BTBD1: variants seen among roughly 807,000 people sequenced by gnomAD.
BTBD1 encodes BTB/POZ domain-containing protein 1.
Under a neutral mutation model 48.0 loss-of-function variants are expected in BTBD1, and 34 were observed. The ratio of observed to expected loss-of-function variants is 0.71; its 90% CI spans 0.54 to 0.94. The LOEUF (loss-of-function observed/expected upper bound fraction) is 0.94, where lower values mean the gene tolerates loss of function less well. BTBD1 is among the 40% of genes least tolerant of loss of function. The pLI is 0.00. For missense variants in BTBD1, 543 were observed against 625.6 expected (o/e 0.87, Z 1.41); for synonymous variants, 261 against 242.1 (o/e 1.08, Z -0.72).
intron 1 of BTBD1, among the ~76,000 whole-genome samples, chr15:83,060,152 A>G (rs1281395039): frequency 6.6e-6 from 1 of 152,182 alleles, no homozygotes; most frequent in African/African-American, 2.4e-5. Flanking sequence ...ACAGGTTTCT[A>G]TGTAACGTCA....
chr15:83,030,800 AAAAT>A (rs1384543317), intron 4 of BTBD1: 1 of 152,514 alleles, frequency 6.6e-6, no homozygotes, highest in African/African-American at 2.4e-5. Context: ...TCTGCATAGC[AAAAT>A]AAATAATCAG....
chr15:83,066,627 C>T, intron 1 of BTBD1, 124 bp downstream of exon 1: 1 of 1,056,696 alleles, frequency 9.5e-7, no homozygotes, highest in African/African-American at 1.7e-5. Context: ...ACTGAGGCCC[C>T]GGGCGGGTCA....
chr15:83,052,228 A>G (rs1404526457), intron 2 of BTBD1, among the ~76,000 whole-genome samples: 2 of 151,980 alleles, frequency 1.3e-5, no homozygotes, highest in Non-Finnish European at 2.9e-5. Flanking sequence ...GATTACAAGC[A>G]TGGGCCACCG....
chr15:83,051,793 T>G, intron 2 of BTBD1, among the ~76,000 whole-genome samples: 1 of 151,734 alleles, frequency 6.6e-6, no homozygotes, highest in East Asian at 1.9e-4. Context: ...GATAGTGCAA[T>G]GAAAACCCAT....
intron 3 of BTBD1, among the ~76,000 whole-genome samples, chr15:83,045,564 T>C (rs992038670): frequency 6.6e-6 from 1 of 152,134 alleles, no homozygotes; most frequent in African/African-American, 2.4e-5. Context: ...AAGAGCCAAA[T>C]ATTTGCTTAA....
chr15:83,033,463 A>C (rs2032563133), intron 4 of BTBD1, among the ~76,000 whole-genome samples: 3 of 152,244 alleles, frequency 2.0e-5, no homozygotes, highest in Admixed American at 6.5e-5. Flanking sequence ...GGGCTTTATA[A>C]CATATGAAAC....
At chr15:83,026,241 T>C (rs2032404267) in intron 5 of BTBD1, among the ~76,000 whole-genome samples, 1 of 152,158 alleles carries the variant, frequency 6.6e-6, no homozygotes, top group Non-Finnish European at 1.5e-5. Context: ...TTGGTTCTAG[T>C]AGTTTTTTAG....
intron 5 of BTBD1, among the ~76,000 whole-genome samples, chr15:83,026,199 T>C (rs192861565): frequency 2.9e-4 from 44 of 152,332 alleles, no homozygotes; most frequent in Non-Finnish European, 5.3e-4. Flanking sequence ...TTTTTAAATA[T>C]ACTTTTTATA....
chr15:83,034,929 G>T (rs2032595981), intron 4 of BTBD1, among the ~76,000 whole-genome samples: 1 of 152,076 alleles, frequency 6.6e-6, no homozygotes. Context: ...ACAGATACAG[G>T]ACTATTCAGG....
chr15:83,048,453 C>T (rs1258170213), intron 3 of BTBD1, among the ~76,000 whole-genome samples: 3 of 152,164 alleles, frequency 2.0e-5, no homozygotes, highest in Non-Finnish European at 2.9e-5. Context: ...TTTAAAGCCA[C>T]GGGCCTGGAT....
intron 4 of BTBD1, among the ~76,000 whole-genome samples, chr15:83,037,059 A>G (rs916224225): frequency 1.3e-5 from 2 of 152,116 alleles, no homozygotes; most frequent in Admixed American, 1.3e-4. Context: ...AAACCCAAAC[A>G]CTGATTCTTA....
chr15:83,066,640 A>G, intron 1 of BTBD1, 111 bp downstream of exon 1: 1 of 1,168,442 alleles, frequency 8.6e-7, no homozygotes, highest in Non-Finnish European at 1.1e-6. Context: ...GCGGGTCAGA[A>G]GAGCCCAGCC....
At chr15:83,066,714 C>A (rs2033281112) in intron 1 of BTBD1, 37 bp downstream of exon 1, 2 of 1,255,246 alleles carry the variant, frequency 1.6e-6, no homozygotes, top group Admixed American at 4.3e-5. Flanking sequence ...CCCGGCCCGG[C>A]CCGGCCCGGC....
At chr15:83,039,269 G>A (rs1168007462) in intron 4 of BTBD1, among the ~76,000 whole-genome samples, 2 of 151,746 alleles carry the variant, frequency 1.3e-5, no homozygotes, top group Non-Finnish European at 1.5e-5. Context: ...CAACAAACAT[G>A]AAAAAAATCC....
In BTBD1 at chr15:83,020,671, G is replaced by C; in HGVS notation, c.1143+4C>G. On this transcript the variant is annotated splice_donor_region_variant and intron_variant, in intron 6 of 7. Coordinates refer to ENST00000261721, the MANE Select transcript of BTBD1 (RefSeq NM_025238.4). ...ATGATATATGGTGGGGGAGGAAACT[G>C]TACCTGTATATTCACTTGATAATCT... The C allele has an allele frequency of 6.4e-7, 1 of 1,560,582 alleles. No homozygotes were observed.
intron 1 of BTBD1, among the ~76,000 whole-genome samples, chr15:83,064,433 C>T (rs1455762007): frequency 6.6e-6 from 1 of 152,004 alleles, no homozygotes; most frequent in Non-Finnish European, 1.5e-5. Context: ...AAAAATTGCA[C>T]TGTCCTACAT....
rs780695293 is a variant in BTBD1 at position 83,050,132 on chromosome 15, G to T, written c.605C>A (p.Thr202Lys). The change falls in exon 3 of 8, where the codon ACA (threonine) becomes AAA (lysine). Residue 202 changes from threonine (T) to lysine (K), a missense_variant. Coordinates refer to ENST00000261721, the MANE Select transcript of BTBD1 (RefSeq NM_025238.4). Reference sequence around the variant, plus strand: ...TGCATCCATTGTGCTTTTGTCTATTGTATCTAGACAAAGACTAGCAAGCTG... The same window carrying T: ...TGCATCCATTGTGCTTTTGTCTATTTTATCTAGACAAAGACTAGCAAGCTG... ...EPQLASLCLDTIDKSTMDAIS... is the reference protein window; with the variant it reads ...EPQLASLCLDKIDKSTMDAIS... 1 of 1,612,902 alleles carries T rather than the reference G, an allele frequency of 6.2e-7. No homozygotes were observed. Among genetic ancestry groups the T allele is most frequent in the Non-Finnish European group, 8.5e-7 (1 of 1,179,404 alleles).
chr15:83,044,351 G>C (rs547972973), intron 3 of BTBD1: 5 of 1,425,644 alleles, frequency 3.5e-6, no homozygotes, highest in African/African-American at 1.4e-5. Context: ...CTGCATGCCC[G>C]CCCGCCCGTG....
chr15:83,019,926 C>T (rs376074309), intron 6 of BTBD1, among the ~76,000 whole-genome samples: 24 of 138,466 alleles, frequency 1.7e-4, no homozygotes, highest in East Asian at 4.5e-4. Flanking sequence ...GCCAAGATCG[C>T]GCCACTGCAC....
Sources: gnomAD v4.1 joint callset for allele counts (sites outside exome capture counted in the v4.1 genomes callset) on GRCh38, gnomAD v4.1.1 for gene constraint, MANE v1.5 for transcripts, NCBI Gene and HGNC (gene_info 2026-07-23, HGNC 2026-07-21) for gene names.